The following CS variants were observed in gnomAD, a reference collection of about 807,000 sequenced individuals.
CS encodes the protein citrate synthase, mitochondrial.
Under a neutral mutation model 61.4 loss-of-function variants are expected in CS, and 13 were observed. The ratio of observed to expected loss-of-function variants is 0.21; its 90% CI spans 0.14 to 0.34. The LOEUF (loss-of-function observed/expected upper bound fraction) is 0.34. Among genes scored for constraint, CS ranks in the 10% least tolerant of loss-of-function variants. The probability of loss-of-function intolerance (pLI) is 1.00; values close to 1 mark genes in which losing one functional copy is unlikely to be tolerated. For synonymous variants in CS, 159 were observed against 215.2 expected, an observed-to-expected ratio of 0.74 and a Z score of 2.29; for missense variants, 278 against 573.4, an observed-to-expected ratio of 0.48 and a Z score of 5.26.
At chr12:56,282,685 G>A (rs1462730646) in intron 5 of CS, 77 bp from the exon 6 acceptor site, 2 of 1,530,350 alleles carry the variant, frequency 1.3e-6, no homozygotes, top group Non-Finnish European at 1.8e-6. Context: ...AGCAACATCT[G>A]AGTAAAGAAA....
chr12:56,280,437 A>AAAAAAC (rs1555162647), intron 6 of CS, among the ~76,000 whole-genome samples: 2 of 144,190 alleles, frequency 1.4e-5, no homozygotes, highest in South Asian at 2.3e-4. Context: ...AAAAAAAAAA[A>AAAAAAC]CAAAAAAATT....
intron 3 of CS, among the ~76,000 whole-genome samples, 185 bp from the exon 4 acceptor site, chr12:56,284,042 C>T (rs1347359553): frequency 3.9e-5 from 6 of 152,022 alleles, no homozygotes; most frequent in Non-Finnish European, 7.4e-5. Context: ...ACTTTGTGGC[C>T]AGGCACAGTG....
chr12:56,274,892 T>A lies in CS; in HGVS notation c.919-14A>T. Reference sequence around the variant, plus strand: ...GACAAGCACTTCCTATGGGTAAGGTTTGGGGAAAAAGGGAATGTTAATACA... The same window carrying A: ...GACAAGCACTTCCTATGGGTAAGGTATGGGGAAAAAGGGAATGTTAATACA... On this transcript the variant is annotated splice_polypyrimidine_tract_variant and intron_variant, in intron 8 of 10. Coordinates refer to ENST00000351328, the MANE Select transcript of CS (RefSeq NM_004077.3). 6.2e-7 allele frequency: 1 copy of A among 1,604,936 alleles called. No homozygotes were observed. Among genetic ancestry groups the A allele is most frequent in the African/African-American group, 1.3e-5 (1 of 74,606 alleles).
chr12:56,285,375 T>G, intron 3 of CS: 1 of 272,142 alleles, frequency 3.7e-6, no homozygotes, highest in South Asian at 3.2e-5. Flanking sequence ...CCTGAACTCC[T>G]GGGCTCAAGC....
chr12:56,291,401 T>A, intron 1 of CS: 1 of 474,310 alleles, frequency 2.1e-6, no homozygotes, highest in Non-Finnish European at 2.8e-6. Flanking sequence ...GTTTTCTTTT[T>A]AAGGGCTTCT....
At chr12:56,284,385 T>C (rs1282676855) in intron 3 of CS, among the ~76,000 whole-genome samples, 1 of 147,792 alleles carries the variant, frequency 6.8e-6, no homozygotes, top group Non-Finnish European at 1.5e-5. Context: ...GGCTCATGCC[T>C]GTAATCCCAG....
intron 6 of CS, among the ~76,000 whole-genome samples, chr12:56,278,782 A>G (rs1872694751): frequency 6.7e-6 from 1 of 150,144 alleles, no homozygotes; most frequent in South Asian, 2.1e-4. Context: ...TTTTTGGTTT[A>G]TTTTATTTTG....
At chr12:56,292,623 G>A (rs956995997) in intron 1 of CS, among the ~76,000 whole-genome samples, 6 of 149,296 alleles carry the variant, frequency 4.0e-5, no homozygotes, top group Non-Finnish European at 4.4e-5. Flanking sequence ...GGTGGCTCAC[G>A]CCTGTAATCC....
rs754753306 is a variant in CS, at chr12:56,286,592, T to C, written c.93+3A>G. ...ATTCTTAGTCTTCTTTTCCAAACCTTACCGTGGAGGAAGCACTGGCATGCC... is the reference window on the plus strand; with the variant it reads ...ATTCTTAGTCTTCTTTTCCAAACCTCACCGTGGAGGAAGCACTGGCATGCC... On this transcript the variant is annotated splice_donor_region_variant and intron_variant, in intron 2 of 10. Transcript: ENST00000351328. The C allele has an allele frequency of 3.1e-6, 5 of 1,613,868 alleles. No homozygotes were observed. Among genetic ancestry groups the C allele is most frequent in the Non-Finnish European group, 4.2e-6 (5 of 1,179,836 alleles).
At chr12:56,286,216 G>A (rs1169449453) in intron 2 of CS, 193 bp from the exon 3 acceptor site, 3 of 585,078 alleles carry the variant, frequency 5.1e-6, no homozygotes, top group South Asian at 2.1e-5. Flanking sequence ...TGTTTAATGG[G>A]AACAGTTTCT....
chr12:56,288,944 C>T (rs1468453640), intron 1 of CS, among the ~76,000 whole-genome samples: 2 of 151,932 alleles, frequency 1.3e-5, no homozygotes, highest in South Asian at 2.1e-4. Flanking sequence ...TACAGGTATG[C>T]ACCACTGCAC....
chr12:56,285,321 T>C (rs1032039538), intron 3 of CS: 3 of 410,386 alleles, frequency 7.3e-6, no homozygotes, highest in Non-Finnish European at 1.5e-5. Flanking sequence ...CTCCCTCTGT[T>C]GCCCAGGCTA....
chr12:56,286,043 G>A lies in CS; in HGVS notation c.94-20C>T. The stretch of plus-strand genomic sequence containing the variant: ...CAAATTCTAAAAAGAAAAGTAGAAG[G>A]ACTAAGCAATGGTCTAAAAGTTTAT... On this transcript the variant is annotated intron_variant, in intron 2 of 10. Transcript: ENST00000351328. The A allele has an allele frequency of 1.9e-6, 3 of 1,585,272 alleles. No homozygotes were observed. The highest frequency in any genetic ancestry group is 8.7e-7 in the Non-Finnish European group (1 of 1,153,650).
chr12:56,284,494 C>T (rs933898592), intron 3 of CS, among the ~76,000 whole-genome samples: 2 of 151,954 alleles, frequency 1.3e-5, no homozygotes, highest in East Asian at 1.9e-4. Context: ...TTACTGCAGC[C>T]TTGACTTGCA....
intron 6 of CS, among the ~76,000 whole-genome samples, chr12:56,279,019 C>T (rs766240220): frequency 1.2e-4 from 19 of 152,110 alleles, no homozygotes; most frequent in Non-Finnish European, 2.9e-5. Context: ...AAGTGATCTG[C>T]CTGCCTTGGC....
rs372264620 is a variant in CS, at chr12:56,281,758, CCACCTCAG to C, written c.588+654_588+661del. Among the ~76,000 whole-genome samples, 23 of 152,202 alleles carry C rather than the reference CCACCTCAG, an allele frequency of 1.5e-4. No individual in the cohort carries two copies. The East Asian group carries it at 4.2e-3, about 28-fold the overall frequency. On this transcript the variant is annotated intron_variant, in intron 6 of 10. Transcript: ENST00000351328. ...AAACTCCTGGCCTTAAGCAATCCTC[CCACCTCAG>C]CATCATGACTCACTGGGATTATAGG...
chr12:56,283,654 C>A, intron 4 of CS, 138 bp downstream of exon 4: 1 of 618,188 alleles, frequency 1.6e-6, no homozygotes. Context: ...TTCAATTATT[C>A]CATACATATG....
intron 1 of CS, among the ~76,000 whole-genome samples, chr12:56,295,659 C>G (rs1463689600): frequency 6.6e-6 from 1 of 151,506 alleles, no homozygotes; most frequent in Non-Finnish European, 1.5e-5. Flanking sequence ...GCTAGAAGTT[C>G]GTAGAAGTTT....
chr12:56,283,044 A>C, intron 4 of CS, 53 bp from the exon 5 acceptor site: 1 of 1,600,890 alleles, frequency 6.2e-7, no homozygotes, highest in Non-Finnish European at 8.6e-7. Flanking sequence ...TAGAAGTCAC[A>C]CGACTGGTCT....
Sources: allele counts gnomAD v4.1 joint callset (sites outside exome capture counted in the v4.1 genomes callset), GRCh38; gene constraint gnomAD v4.1.1; transcripts MANE v1.5; gene names NCBI Gene and HGNC (gene_info 2026-07-23, HGNC 2026-07-21).